Variants in ACYP2 observed in about 807,000 individuals in gnomAD.
ACYP2 encodes acylphosphatase-2.
Under a neutral mutation model 11.2 loss-of-function variants are expected in ACYP2, and 12 were observed. The observed-to-expected ratio is 1.08, with a 90% confidence interval of 0.69 to 1.74. The LOEUF (loss-of-function observed/expected upper bound fraction) is 1.74, where lower values mean the gene tolerates loss of function less well. ACYP2 is among the 40% of genes most tolerant of loss of function. The pLI is 0.00. For synonymous variants in ACYP2, 43 were observed against 32.2 expected, an observed-to-expected ratio of 1.33 and a Z score of -1.13; for missense variants, 134 against 101.9, an observed-to-expected ratio of 1.31 and a Z score of -1.35.
At chr2:54,283,705 G>A (rs538923854) in intron 6 of ACYP2, among the ~76,000 whole-genome samples, 1 of 152,298 alleles carries the variant, frequency 6.6e-6, no homozygotes, top group East Asian at 1.9e-4. Context: ...GGAACAACTC[G>A]AATTTCCAAC....
chr2:54,002,130 A>G (rs548961121), intron 2 of ACYP2, among the ~76,000 whole-genome samples: 2 of 152,316 alleles, frequency 1.3e-5, no homozygotes, highest in East Asian at 1.9e-4. Context: ...AATAATTTCA[A>G]TGTTCTAAAT....
intron 4 of ACYP2, among the ~76,000 whole-genome samples, chr2:54,126,064 G>C (rs755397370): frequency 1.9e-4 from 29 of 152,146 alleles, no homozygotes; most frequent in Admixed American, 5.2e-4. Context: ...CTGGGCGACA[G>C]AGAGAGACTC....
intron 2 of ACYP2, among the ~76,000 whole-genome samples, chr2:53,982,904 T>C (rs1295065032): frequency 2.0e-5 from 3 of 150,750 alleles, no homozygotes; most frequent in Non-Finnish European, 4.4e-5. Context: ...GAACCAGGGA[T>C]TTATATGCTG....
At chr2:54,256,062 G>C (rs760765944) in intron 6 of ACYP2, 3 of 1,614,068 alleles carry the variant, frequency 1.9e-6, no homozygotes, top group Non-Finnish European at 2.5e-6. Context: ...CTGTCGCCTT[G>C]CTCTTTTCTC....
chr2:54,126,188 C>T (rs961134886), intron 4 of ACYP2, among the ~76,000 whole-genome samples: 7 of 152,208 alleles, frequency 4.6e-5, no homozygotes, highest in Middle Eastern at 3.4e-3. Context: ...GTAATAATAA[C>T]GTATGTATTT....
At chr2:54,232,112 T>A (rs1173330566) in intron 6 of ACYP2, among the ~76,000 whole-genome samples, 1 of 152,178 alleles carries the variant, frequency 6.6e-6, no homozygotes, top group Non-Finnish European at 1.5e-5. Flanking sequence ...AGAACCAGAC[T>A]TGATCTGTCA....
intron 4 of ACYP2, among the ~76,000 whole-genome samples, chr2:54,134,702 A>C (rs1320196057): frequency 5.3e-5 from 8 of 152,258 alleles, no homozygotes; most frequent in African/African-American, 1.9e-4. Context: ...ATTCAGAGTA[A>C]ACATTTTATT....
intron 6 of ACYP2, among the ~76,000 whole-genome samples, chr2:54,266,590 C>CTTTTTT (rs138812389): frequency 0.011 from 567 of 52,274 alleles, 89 homozygotes; most frequent in East Asian, 0.015. Context: ...ATCTATCTAT[C>CTTTTTT]TTTTTTTTTT....
At chr2:54,146,155 C>T (rs1558568245) in intron 6 of ACYP2, among the ~76,000 whole-genome samples, 2 of 152,194 alleles carry the variant, frequency 1.3e-5, no homozygotes, top group African/African-American at 4.8e-5. Flanking sequence ...TAATCTCACA[C>T]TAAGAATTTT....
At chr2:54,059,327 T>G (rs2103628690) in intron 4 of ACYP2, among the ~76,000 whole-genome samples, 1 of 152,250 alleles carries the variant, frequency 6.6e-6, no homozygotes, top group Admixed American at 6.5e-5. Context: ...CAAGTGATTC[T>G]CCTGACTCAG....
chr2:54,046,022 T>C (rs1185751681), intron 2 of ACYP2, among the ~76,000 whole-genome samples: 6 of 151,134 alleles, frequency 4.0e-5, no homozygotes, highest in African/African-American at 1.5e-4. Context: ...ATACAAAAAT[T>C]AGTTGGGCGT....
At chr2:54,204,219 G>A (rs1366448474) in intron 6 of ACYP2, among the ~76,000 whole-genome samples, 3 of 151,396 alleles carry the variant, frequency 2.0e-5, no homozygotes, top group Non-Finnish European at 2.9e-5. Flanking sequence ...GGCTGGTCTC[G>A]AACTCCTGAC....
chr2:54,045,640 C>A (rs897036298), intron 2 of ACYP2, among the ~76,000 whole-genome samples: 1 of 150,252 alleles, frequency 6.7e-6, no homozygotes, highest in Non-Finnish European at 1.5e-5. Flanking sequence ...GACGGTGAAA[C>A]CCTGTCTCTA....
At chr2:54,298,826 A>C (rs1453440445) in intron 6 of ACYP2, among the ~76,000 whole-genome samples, 4 of 151,508 alleles carry the variant, frequency 2.6e-5, no homozygotes, top group African/African-American at 9.7e-5. Flanking sequence ...ATCTCGGCTC[A>C]TTGCAACCTC....
At chr2:54,126,948 C>T (rs1680547218) in intron 4 of ACYP2, among the ~76,000 whole-genome samples, 1 of 122,758 alleles carries the variant, frequency 8.1e-6, no homozygotes, top group Non-Finnish European at 1.7e-5. Flanking sequence ...GAGCGAAACT[C>T]CGTCTCAAAA....
intron 6 of ACYP2, among the ~76,000 whole-genome samples, chr2:54,257,868 AC>A (rs1255095126): frequency 6.6e-6 from 1 of 152,226 alleles, no homozygotes; most frequent in African/African-American, 2.4e-5. Flanking sequence ...GAGACAATAA[AC>A]AAATGGAATC....
At chr2:54,073,663 T>C (rs932803906) in intron 4 of ACYP2, among the ~76,000 whole-genome samples, 31 of 152,162 alleles carry the variant, frequency 2.0e-4, no homozygotes, top group African/African-American at 7.0e-4. Flanking sequence ...ACCTAGAATA[T>C]GTAAATAACT....
intron 4 of ACYP2, among the ~76,000 whole-genome samples, chr2:54,114,706 C>T (rs1679653780): frequency 6.6e-6 from 1 of 152,136 alleles, no homozygotes; most frequent in Non-Finnish European, 1.5e-5. Context: ...AACAAACCCA[C>T]ACCAAAAAAA....
At chr2:53,978,672 G>A (rs935375011) in intron 2 of ACYP2, among the ~76,000 whole-genome samples, 2 of 152,176 alleles carry the variant, frequency 1.3e-5, no homozygotes, top group East Asian at 3.8e-4. Flanking sequence ...GATGGCTTGA[G>A]CTCAGGAGTT....
Sources: allele counts gnomAD v4.1 joint callset (sites outside exome capture counted in the v4.1 genomes callset), GRCh38; gene constraint gnomAD v4.1.1; transcripts MANE v1.5; gene names NCBI Gene and HGNC (gene_info 2026-07-23, HGNC 2026-07-21).